The following CCDC102A variants were observed in gnomAD, a reference collection of about 807,000 sequenced individuals.
CCDC102A encodes coiled-coil domain containing 102A.
Under a neutral mutation model 55.5 loss-of-function variants are expected in CCDC102A, and 40 were observed. The ratio of observed to expected loss-of-function variants is 0.72; its 90% CI spans 0.56 to 0.94. The LOEUF (loss-of-function observed/expected upper bound fraction) is 0.94. CCDC102A is among the 40% of genes least tolerant of loss of function. The pLI, the probability that CCDC102A is intolerant of heterozygous loss-of-function variation, is 0.00. For synonymous variants in CCDC102A, 323 were observed against 339.0 expected (o/e 0.95, Z 0.52); for missense variants, 779 against 768.6 (o/e 1.01, Z -0.16).
rs1302837998 is a variant in CCDC102A at position 57,536,284 on chromosome 16, AC to A, written c.-148+215del. Among the ~76,000 whole-genome samples the A allele has an allele frequency of 2.2e-5, 3 of 134,702 alleles. No homozygotes were observed. The South Asian group carries it at 8.2e-4, about 37-fold the overall frequency. The allele number at this position is 134,702 out of a possible 152,430, so 88.4% of individuals were successfully genotyped here. A position where few individuals can be genotyped will look rare whatever the true frequency, so the allele number is the denominator to read the frequency against. ...CCCCATCACCCCGCGGCCCCTCCCC[AC>A]CGGAGACCTGGGGTTCCGGGGGCTG... On this transcript the variant is annotated intron_variant, in intron 1 of 8. Transcript: ENST00000258214.
rs960934651 is a variant in CCDC102A, at chr16:57,512,522, G to T, written c.*219C>A. On this transcript the variant is annotated 3_prime_UTR_variant, in exon 9 of 9. Coordinates refer to ENST00000258214, the MANE Select transcript of CCDC102A (RefSeq NM_033212.4). ...CAAAGACTTCTGGGTGTGCGCGCGCGCGCGCGCGTGTGTGTATATATATAT... is the reference window on the plus strand; with the variant it reads ...CAAAGACTTCTGGGTGTGCGCGCGCTCGCGCGCGTGTGTGTATATATATAT... 1.3e-5 allele frequency: 6 copies of T among 473,704 alleles called. No individual in the cohort carries two copies. The East Asian group carries it at 2.0e-4, about 16-fold the overall frequency. The allele number at this position is 473,704 out of a possible 1,614,324, so 29.3% of individuals were successfully genotyped here.
Position 57,529,272 on chromosome 16 carries a change from A to G in CCDC102A, c.-95T>C. The stretch of plus-strand genomic sequence containing the variant: ...GGGCGCGATACAACTGTGCATGATG[A>G]CGCCGTGCCCCGCTTCCCTCTGGGC... On this transcript the variant is annotated 5_prime_UTR_variant, in exon 2 of 9. Coordinates refer to ENST00000258214, the MANE Select transcript of CCDC102A (RefSeq NM_033212.4). This position sits in a 1 kb window ranked among gnomAD's most constrained non-coding sequence, Gnocchi z 4.1. 1 of 1,117,578 alleles carries G rather than the reference A, an allele frequency of 8.9e-7. No individual in the cohort carries two copies. Among genetic ancestry groups the G allele is most frequent in the Non-Finnish European group, 1.1e-6 (1 of 913,414 alleles). The allele number at this position is 1,117,578 out of a possible 1,614,324, so 69.2% of individuals were successfully genotyped here.
At position 57,529,530 on chromosome 16, in the gene CCDC102A, C is replaced by A. The variant is rs2032214541; in HGVS notation, c.-147-206G>T. On this transcript the variant is annotated intron_variant, in intron 1 of 8. Transcript: ENST00000258214. This position sits in a 1 kb window ranked among gnomAD's most constrained non-coding sequence, Gnocchi z 4.1. ...TCGACTCCCTGCTCCAATCCCTTCACCCAGCGGCGCTAATCTGAAACCTTG... is the reference window on the plus strand; with the variant it reads ...TCGACTCCCTGCTCCAATCCCTTCAACCAGCGGCGCTAATCTGAAACCTTG... 1.3e-5 allele frequency among the ~76,000 whole-genome samples: 2 copies of A among 152,210 alleles called. No homozygotes were observed. The highest frequency in any genetic ancestry group is 1.5e-5 in the Non-Finnish European group (1 of 68,028).
Position 57,528,757 on chromosome 16 carries a change from G to C in CCDC102A, c.421C>G (p.Arg141Gly), listed in dbSNP as rs1256706084. ...ALTKELAGAR[R>G]ERQEAQGECE... ...TCGCCCTGCGCCTCTTGGCGCTCGC[G>C]CCGTGCGCCCGCCAGCTCCTTGGTG... is the stretch of plus-strand genomic sequence containing the variant. The change falls in exon 2 of 9, where the codon CGC becomes GGC. Residue 141 changes from arginine to glycine, a missense_variant. Coordinates refer to ENST00000258214, the MANE Select transcript of CCDC102A (RefSeq NM_033212.4). 3.4e-6 allele frequency: 4 copies of C among 1,178,910 alleles called. No homozygotes were observed. The highest frequency in any genetic ancestry group is 4.2e-6 in the Non-Finnish European group (4 of 946,246). 73.0% of individuals were successfully genotyped at this position (1,178,910 alleles called of 1,614,324 possible).
In CCDC102A at chr16:57,518,636, G is replaced by C; in HGVS notation, c.1027C>G (p.Leu343Val). The C allele has an allele frequency of 6.2e-7, 1 of 1,613,270 alleles. No homozygotes were observed. The highest frequency in any genetic ancestry group is 1.1e-5 in the South Asian group (1 of 91,070). ...ATCCATGGCCTCACCTCGCCCCTCA[G>C]CTCGGCCATTTTCCGGTCCATGCTG... ...RSSMDRKMAE[L>V]RGEMERLQAE... The change falls in exon 5 of 9, where the codon CTG becomes GTG. Residue 343 changes from leucine (L) to valine (V), a missense_variant. By Grantham distance (32) the Leu-to-Val change is conservative (BLOSUM62 1). Coordinates refer to ENST00000258214, the MANE Select transcript of CCDC102A (RefSeq NM_033212.4).
Position 57,512,350 on chromosome 16 carries a change from G to C in CCDC102A, c.*391C>G. On this transcript the variant is annotated 3_prime_UTR_variant, in exon 9 of 9. Coordinates refer to ENST00000258214, the MANE Select transcript of CCDC102A (RefSeq NM_033212.4). ...AATAACTGGGTTCACTGCATTGTAT[G>C]ATGAACAGCGAAGCCTAGAGAGGCA... 2.5e-6 allele frequency: 1 copy of C among 399,588 alleles called. No homozygotes were observed. The highest frequency in any genetic ancestry group is 4.4e-6 in the Non-Finnish European group (1 of 226,814). 24.8% of individuals were successfully genotyped at this position (399,588 alleles called of 1,614,324 possible). A position where few individuals can be genotyped will look rare whatever the true frequency, so the allele number is the denominator to read the frequency against.
rs2032213420 is a variant in CCDC102A at position 57,529,490 on chromosome 16, GCCT to G, written c.-147-169_-147-167del. Among the ~76,000 whole-genome samples the G allele has an allele frequency of 6.6e-6, 1 of 152,314 alleles. No homozygotes were observed. Among genetic ancestry groups the G allele is most frequent in the Admixed American group, 6.5e-5 (1 of 15,302 alleles). ...ATTGGTGGAGCAAGGGCCCGCAAAG[GCCT>G]CCTCAGTGGCCTCGACTCCCTGCTC... On this transcript the variant is annotated intron_variant, in intron 1 of 8. Coordinates refer to ENST00000258214, the MANE Select transcript of CCDC102A (RefSeq NM_033212.4). The surrounding 1 kb of genome is among the most constrained non-coding windows in gnomAD (Gnocchi z 4.1).
At chr16:57,525,564 CTTCCCTGTCTCCA>C (rs1396742630) in intron 3 of CCDC102A, among the ~76,000 whole-genome samples, 1 of 152,194 alleles carries the variant, frequency 6.6e-6, no homozygotes, top group Non-Finnish European at 1.5e-5. Flanking sequence ...AACCTTCCAA[CTTCCCTGTCTCCA>C]TTCCCTGCTT....
intron 8 of CCDC102A, among the ~76,000 whole-genome samples, chr16:57,513,679 A>C (rs1457285124): frequency 6.6e-6 from 1 of 152,234 alleles, no homozygotes; most frequent in Non-Finnish European, 1.5e-5. Flanking sequence ...GACTGCGGGA[A>C]AGCCCCAAGG....
rs2031955298 is a variant in CCDC102A at position 57,516,338 on chromosome 16, C to T, written c.1374G>A (p.Leu458=). The T allele has an allele frequency of 6.2e-7, 1 of 1,607,962 alleles. No homozygotes were observed. Among genetic ancestry groups the T allele is most frequent in the South Asian group, 1.1e-5 (1 of 91,066 alleles). The change falls in exon 7 of 9, where the codon CTG becomes CTA. Residue 458 remains leucine (L), a synonymous_variant. Transcript: ENST00000258214. This position sits in a 1 kb window ranked among gnomAD's most constrained non-coding sequence, Gnocchi z 4.4. ...GCTCCTTCTTGAGCTCCTCCACCCG[C>T]AGCCGCAGCTTCTTCACCTCAGCCT... ...QHEAEVKKLR[L]RVEELKKELA...
Position 57,512,859 on chromosome 16 carries a change from T to G in CCDC102A, c.1535A>C (p.Gln512Pro). ...CCCGAAGAGGGGAGCGTTCTGCTGC[T>G]GCCTGCGGAGCCTGTGGGGTGGGGG... ...LEHLQSRLRR[Q>P]QQNAPLFGKI... Residue 512 changes from glutamine (Q) to proline (P), a missense_variant, in exon 9 of 9, where the codon CAG becomes CCG. By Grantham distance (76) the Gln-to-Pro change is moderately conservative (BLOSUM62 -1). Transcript: ENST00000258214. 2 of 1,613,734 alleles carry G rather than the reference T, an allele frequency of 1.2e-6. No homozygotes were observed. The highest frequency in any genetic ancestry group is 2.7e-5 in the African/African-American group (2 of 75,056).
At chr16:57,534,091 T>G (rs75109768) in intron 1 of CCDC102A, among the ~76,000 whole-genome samples, 2,179 of 152,170 alleles carry the variant, frequency 0.014, 41 homozygotes, top group African/African-American at 0.049. Flanking sequence ...TGTCCCAGAC[T>G]CCAAAACCCC....
At chr16:57,517,061 G>C (rs1395061378) in intron 6 of CCDC102A, among the ~76,000 whole-genome samples, 1 of 152,002 alleles carries the variant, frequency 6.6e-6, no homozygotes. Flanking sequence ...TGTTGTCCAG[G>C]GAATGTCAAC....
Position 57,518,608 on chromosome 16 carries a change from C to A in CCDC102A, c.1038+17G>T. On this transcript the variant is annotated intron_variant, in intron 5 of 8. Transcript: ENST00000258214. ...CCCCTAAACCCAGGTCCTCCTGGGT[C>A]CCATCCATGGCCTCACCTCGCCCCT... 6.2e-7 allele frequency: 1 copy of A among 1,600,674 alleles called. No homozygotes were observed. The highest frequency in any genetic ancestry group is 1.1e-5 in the South Asian group (1 of 90,790).
At chr16:57,518,447 CT>C (rs2031995492) in intron 5 of CCDC102A, among the ~76,000 whole-genome samples, 170 bp from the exon 6 acceptor site, 1 of 152,236 alleles carries the variant, frequency 6.6e-6, no homozygotes, top group Admixed American at 6.5e-5. Flanking sequence ...TGTGAGGGCG[CT>C]TCTGGCCTCT....
intron 8 of CCDC102A, among the ~76,000 whole-genome samples, chr16:57,513,636 C>G (rs1447658110): frequency 5.9e-5 from 9 of 152,272 alleles, no homozygotes; most frequent in Non-Finnish European, 5.9e-5. Flanking sequence ...CTGCCCACTT[C>G]TGGAGTTTAT....
intron 6 of CCDC102A, among the ~76,000 whole-genome samples, chr16:57,517,306 C>A (rs2031972094): frequency 6.6e-6 from 1 of 152,172 alleles, no homozygotes; most frequent in South Asian, 2.1e-4. Context: ...AATCCGCACA[C>A]TACCAGTTAA....
chr16:57,527,043 GA>G (rs2032149679), intron 2 of CCDC102A, among the ~76,000 whole-genome samples: 1 of 152,214 alleles, frequency 6.6e-6, no homozygotes, highest in South Asian at 2.1e-4. Context: ...GATAGGACAG[GA>G]ACAGCATTGT....
At position 57,529,792 on chromosome 16, in the gene CCDC102A, C is replaced by G. The variant is rs1431111784; in HGVS notation, c.-147-468G>C. On this transcript the variant is annotated intron_variant, in intron 1 of 8. Coordinates refer to ENST00000258214, the MANE Select transcript of CCDC102A (RefSeq NM_033212.4). This position sits in a 1 kb window ranked among gnomAD's most constrained non-coding sequence, Gnocchi z 4.1. ...AGGTCCATCAGCCCCTTATGTGTCTCCATCACTGCACTAACTTACCCTGTC... is the reference window on the plus strand; with the variant it reads ...AGGTCCATCAGCCCCTTATGTGTCTGCATCACTGCACTAACTTACCCTGTC... Among the ~76,000 whole-genome samples the G allele has an allele frequency of 6.6e-6, 1 of 152,202 alleles. No homozygotes were observed. The highest frequency in any genetic ancestry group is 1.5e-5 in the Non-Finnish European group (1 of 68,046).
Sources: allele counts gnomAD v4.1 joint callset (sites outside exome capture counted in the v4.1 genomes callset), GRCh38; gene constraint gnomAD v4.1.1; non-coding constraint Gnocchi (gnomAD v3.1); transcripts MANE v1.5; gene names NCBI Gene and HGNC (gene_info 2026-07-23, HGNC 2026-07-21).